CR1: variants seen among roughly 807,000 people sequenced by gnomAD.
The protein encoded by CR1 is complement receptor type 1.
A neutral mutation model predicts 187.3 loss-of-function variants in CR1; 116 were observed. That is an observed-to-expected ratio of 0.62 (90% CI 0.53 to 0.72). The LOEUF (loss-of-function observed/expected upper bound fraction) is 0.72. Ranked by LOEUF, CR1 falls within the 30% of genes least tolerant of loss-of-function variation. CR1 has a pLI of 0.00. For synonymous variants in CR1, 576 were observed against 747.1 expected, an observed-to-expected ratio of 0.77 and a Z score of 3.73; for missense variants, 1,731 against 2,110.7, an observed-to-expected ratio of 0.82 and a Z score of 3.52.
chr1:207,620,998 G>A (rs1662296567), intron 43 of CR1, among the ~76,000 whole-genome samples: 1 of 152,198 alleles, frequency 6.6e-6, no homozygotes. Context: ...AAGGGGCCAG[G>A]TATGGTGGCT....
chr1:207,639,285 GTTA>G, intron 46 of CR1, 109 bp from the exon 47 acceptor site: 1 of 970,930 alleles, frequency 1.0e-6, no homozygotes, highest in East Asian at 2.6e-5. Flanking sequence ...AGCAACTCCT[GTTA>G]TTGTGGAATA....
intron 1 of CR1, among the ~76,000 whole-genome samples, chr1:207,502,904 G>A (rs1243291080): frequency 1.3e-5 from 2 of 152,122 alleles, no homozygotes; most frequent in Non-Finnish European, 1.5e-5. Flanking sequence ...GGCTGAATCC[G>A]GGGCACATTC....
At position 207,526,696 on chromosome 1, in the gene CR1, C is replaced by T; in HGVS notation, c.887-57C>T. On this transcript the variant is annotated intron_variant, in intron 5 of 46. Transcript: ENST00000367049. ...ATTATTATTCCCTTGGCCAGTTTAA[C>T]AGTGAGAAAAAAGTTGTTTTCACAC... is the stretch of plus-strand genomic sequence containing the variant. The T allele has an allele frequency of 4.7e-6, 7 of 1,486,336 alleles. 1 individual carries two copies. The highest frequency in any genetic ancestry group is 3.6e-5 in the African/African-American group (2 of 56,298). The allele number at this position is 1,486,336 out of a possible 1,614,324, so 92.1% of individuals were successfully genotyped here.
intron 45 of CR1, among the ~76,000 whole-genome samples, chr1:207,625,749 T>C (rs1319679922): frequency 6.6e-6 from 1 of 152,126 alleles, no homozygotes; most frequent in Non-Finnish European, 1.5e-5. Context: ...ATGTGCTGTG[T>C]CCACCTCTGG....
Position 207,577,866 on chromosome 1 carries a change from G to T in CR1, c.4599G>T (p.Glu1533Asp), listed in dbSNP as rs561267294. The T allele has an allele frequency of 1.9e-6, 3 of 1,613,864 alleles. No individual in the cohort carries two copies. Among genetic ancestry groups the T allele is most frequent in the Non-Finnish European group, 2.5e-6 (3 of 1,179,868 alleles). ...ANGDFISTNR[E>D]NFHYGSVVTY... ...GAGATTTCATTAGCACCAACAGAGA[G>T]AATTTTCACTATGGATCAGTGGTGA... Residue 1533 changes from glutamate (E) to aspartate (D), a missense_variant, in exon 29 of 47, where the codon GAG (glutamate) becomes GAT (aspartate). Physicochemically the swap from Glu to Asp is conservative, Grantham distance 45. Around this residue, in one of 5 missense-constraint regions of CR1, gnomAD observed 1,312 missense variants for 1,379.6 expected, o/e 0.95. Transcript: ENST00000367049.
chr1:207,589,415 C>T (rs1196447057), intron 35 of CR1, among the ~76,000 whole-genome samples: 1 of 151,960 alleles, frequency 6.6e-6, no homozygotes, highest in Non-Finnish European at 1.5e-5. Flanking sequence ...ATAGCATCAA[C>T]ATTAACAAAA....
chr1:207,634,419 G>C (rs921734534), intron 46 of CR1, among the ~76,000 whole-genome samples: 1 of 152,182 alleles, frequency 6.6e-6, no homozygotes, highest in Non-Finnish European at 1.5e-5. Context: ...TAGTCAAGAA[G>C]TGAGTTAGAA....
At chr1:207,497,216 T>G (rs1659116287) in intron 1 of CR1, among the ~76,000 whole-genome samples, 1 of 152,242 alleles carries the variant, frequency 6.6e-6, no homozygotes, top group South Asian at 2.1e-4. Flanking sequence ...CGCATTTTAG[T>G]GATGTGTTTA....
intron 3 of CR1, among the ~76,000 whole-genome samples, chr1:207,508,110 T>A (rs1659500605): frequency 1.3e-5 from 2 of 152,170 alleles, no homozygotes; most frequent in South Asian, 2.1e-4. Context: ...ATGGAGACAG[T>A]GAAAATATCA....
intron 31 of CR1, 117 bp downstream of exon 31, chr1:207,580,730 C>T (rs2102343131): frequency 1.1e-6 from 1 of 918,494 alleles, no homozygotes; most frequent in Non-Finnish European, 1.7e-6. Context: ...GGAGATTAAC[C>T]TCTGGAAGTG....
At chr1:207,593,573 C>A (rs1204539231) in intron 35 of CR1, among the ~76,000 whole-genome samples, 1 of 152,094 alleles carries the variant, frequency 6.6e-6, no homozygotes, top group Non-Finnish European at 1.5e-5. Context: ...ACTAAAACAC[C>A]AAAAGCAATG....
intron 3 of CR1, among the ~76,000 whole-genome samples, chr1:207,508,758 G>C (rs1169002044): frequency 2.0e-5 from 3 of 151,878 alleles, no homozygotes; most frequent in Non-Finnish European, 2.9e-5. Flanking sequence ...AATTTCCAAG[G>C]GGATGGGCTT....
intron 41 of CR1, among the ~76,000 whole-genome samples, chr1:207,617,602 TATATATATATAGAGAGAGAGAG>T (rs1387667738): frequency 0.027 from 805 of 30,032 alleles, 2 homozygotes; most frequent in South Asian, 0.049. Flanking sequence ...TATATATATA[TATATATATATAGAGAGAGAGAG>T]AGAGAGAGAG....
intron 35 of CR1, among the ~76,000 whole-genome samples, chr1:207,593,872 T>C (rs890746663): frequency 6.6e-6 from 1 of 152,246 alleles, no homozygotes; most frequent in Admixed American, 6.5e-5. Context: ...TCACTGGTCA[T>C]TAGAGAAATG....
intron 29 of CR1, 22 bp downstream of exon 29, chr1:207,578,225 A>T (rs1168645657): frequency 3.1e-6 from 5 of 1,611,806 alleles, no homozygotes; most frequent in South Asian, 1.1e-5. Flanking sequence ...TGATGCCTAG[A>T]AGGGCCCTGC....
chr1:207,592,595 G>A (rs2102360627), intron 35 of CR1, among the ~76,000 whole-genome samples: 1 of 152,228 alleles, frequency 6.6e-6, no homozygotes, highest in East Asian at 1.9e-4. Flanking sequence ...CTCTGGCCAG[G>A]GCAATCAGGC....
At chr1:207,617,503 ATATATGTG>A (rs1485722976) in intron 41 of CR1, among the ~76,000 whole-genome samples, 661 of 49,092 alleles carry the variant, frequency 0.013, 70 homozygotes, top group Non-Finnish European at 0.021. Flanking sequence ...ATATATATAT[ATATATGTG>A]TGTGTGTGTG....
At chr1:207,504,520 G>A (rs181376511) in intron 1 of CR1, among the ~76,000 whole-genome samples, 108 of 151,484 alleles carry the variant, frequency 7.1e-4, no homozygotes, top group Admixed American at 1.8e-3. Context: ...AGTAAGACAA[G>A]TACTCCCCCC....
intron 24 of CR1, among the ~76,000 whole-genome samples, chr1:207,567,082 C>A (rs1377617693): frequency 2.0e-5 from 3 of 150,216 alleles, no homozygotes; most frequent in African/African-American, 7.6e-5. Context: ...AAAATAGTTT[C>A]TTCCAAATGC....
Sources: allele counts gnomAD v4.1 joint callset (sites outside exome capture counted in the v4.1 genomes callset), GRCh38; gene constraint gnomAD v4.1.1; regional missense constraint gnomAD v4.1.1; transcripts MANE v1.5; gene names NCBI Gene and HGNC (gene_info 2026-07-23, HGNC 2026-07-21).